ERBB4: variants seen among roughly 807,000 people sequenced by gnomAD.
The protein encoded by ERBB4 is receptor tyrosine-protein kinase erbB-4.
In ERBB4, 42 loss-of-function variants were observed where a neutral mutation model predicts 158.0. That is an observed-to-expected ratio of 0.27 (90% CI 0.21 to 0.34). The LOEUF (loss-of-function observed/expected upper bound fraction) is 0.34. Ranked by LOEUF, ERBB4 falls within the 10% of genes least tolerant of loss-of-function variation. The pLI is 1.00. For synonymous variants in ERBB4, 583 were observed against 558.7 expected (o/e 1.04, Z -0.61); for missense variants, 1,333 against 1,624.1 (o/e 0.82, Z 3.08).
At chr2:212,132,287 A>G (rs538562547) in intron 1 of ERBB4, among the ~76,000 whole-genome samples, 1 of 152,298 alleles carries the variant, frequency 6.6e-6, no homozygotes, top group Admixed American at 6.5e-5. Flanking sequence ...AAGGAGATGC[A>G]TATGGGTGCT....
intron 25 of ERBB4, among the ~76,000 whole-genome samples, chr2:211,414,074 A>C (rs563918835): frequency 6.6e-6 from 1 of 152,066 alleles, no homozygotes; most frequent in South Asian, 2.1e-4. Flanking sequence ...TGGTGTAAAC[A>C]CTTGTGGGGG....
chr2:211,826,125 A>G (rs2105956050), intron 3 of ERBB4, among the ~76,000 whole-genome samples: 1 of 151,674 alleles, frequency 6.6e-6, no homozygotes, highest in East Asian at 1.9e-4. Flanking sequence ...AATCAACACA[A>G]ACACTAAAAG....
intron 3 of ERBB4, among the ~76,000 whole-genome samples, chr2:211,808,999 G>T (rs1187111250): frequency 2.0e-5 from 3 of 152,168 alleles, no homozygotes; most frequent in Admixed American, 1.3e-4. Context: ...CTTTGCTGAA[G>T]TTGCCTAACA....
chr2:211,547,299 A>G (rs975722051), intron 20 of ERBB4, among the ~76,000 whole-genome samples: 4 of 152,102 alleles, frequency 2.6e-5, no homozygotes, highest in Non-Finnish European at 4.4e-5. Flanking sequence ...GTTGTGATCA[A>G]TTGTGGAAGT....
chr2:212,384,720 TCACCATTCATTTC>T (rs2090616981), intron 1 of ERBB4, among the ~76,000 whole-genome samples: 1 of 151,516 alleles, frequency 6.6e-6, no homozygotes, highest in Non-Finnish European at 1.5e-5. Context: ...GCATTCATTT[TCACCATTCATTTC>T]CACCTAAAGT....
chr2:211,718,463 G>C (rs957391477), intron 7 of ERBB4, among the ~76,000 whole-genome samples: 5 of 152,064 alleles, frequency 3.3e-5, no homozygotes, highest in African/African-American at 1.2e-4. Context: ...TGAAACCCTA[G>C]TCTAAAAACA....
chr2:211,731,145 C>T (rs148253979), intron 5 of ERBB4, among the ~76,000 whole-genome samples: 1 of 152,196 alleles, frequency 6.6e-6, no homozygotes, highest in African/African-American at 2.4e-5. Context: ...AATGAAATAC[C>T]AGTAGAAAAC....
In ERBB4 at chr2:212,163,098, G is replaced by GA. The variant is rs544055235; in HGVS notation, c.83-38196dup. Among the ~76,000 whole-genome samples the GA allele has an allele frequency of 4.8e-4, 73 of 151,862 alleles. 1 individual carries two copies. Among genetic ancestry groups the GA allele is most frequent in the African/African-American group, 1.6e-3 (66 of 41,460 alleles). On this transcript the variant is annotated intron_variant, in intron 1 of 27. Coordinates refer to ENST00000342788, the MANE Select transcript of ERBB4 (RefSeq NM_005235.3). ...GAATAAGAGAATCTCTTATCTATGA[G>GA]AAAAAAATCCTAACCAATTTTATGG...
chr2:211,397,906 T>C (rs1029930722), intron 25 of ERBB4, among the ~76,000 whole-genome samples: 1 of 152,180 alleles, frequency 6.6e-6, no homozygotes, highest in African/African-American at 2.4e-5. Context: ...GATGAATTCA[T>C]TCGTAAAATC....
chr2:211,841,006 CTTAGA>C (rs765651182), intron 3 of ERBB4, among the ~76,000 whole-genome samples: 28 of 152,052 alleles, frequency 1.8e-4, no homozygotes, highest in Non-Finnish European at 3.7e-4. Context: ...CCAATATGTG[CTTAGA>C]TTAGTCAATT....
At chr2:212,535,728 T>TATCTAAATAAAA (rs1429549984) in intron 1 of ERBB4, among the ~76,000 whole-genome samples, 2 of 152,170 alleles carry the variant, frequency 1.3e-5, no homozygotes, top group Non-Finnish European at 2.9e-5. Flanking sequence ...AAATGCATAA[T>TATCTAAATAAAA]TGAAAATGAG....
At chr2:211,663,934 A>G (rs1270698137) in intron 15 of ERBB4, among the ~76,000 whole-genome samples, 1 of 152,142 alleles carries the variant, frequency 6.6e-6, no homozygotes, top group African/African-American at 2.4e-5. Flanking sequence ...AAGTATGCCA[A>G]AAACTCACAA....
At chr2:211,444,836 A>G (rs946176432) in intron 20 of ERBB4, among the ~76,000 whole-genome samples, 2 of 152,124 alleles carry the variant, frequency 1.3e-5, no homozygotes, top group African/African-American at 4.8e-5. Flanking sequence ...ATGGACACAG[A>G]TTACGTAAAT....
At chr2:211,824,146 G>C (rs1055238787) in intron 3 of ERBB4, among the ~76,000 whole-genome samples, 1 of 151,842 alleles carries the variant, frequency 6.6e-6, no homozygotes, top group South Asian at 2.1e-4. Context: ...AGCATTTTAC[G>C]AGTACTGCTT....
At chr2:212,460,238 T>C (rs1688503623) in intron 1 of ERBB4, among the ~76,000 whole-genome samples, 1 of 152,142 alleles carries the variant, frequency 6.6e-6, no homozygotes, top group Non-Finnish European at 1.5e-5. Context: ...GGTATGTCTT[T>C]ATTAGCAGCA....
At chr2:211,486,862 AAGTT>A (rs1411702625) in intron 20 of ERBB4, among the ~76,000 whole-genome samples, 4 of 152,064 alleles carry the variant, frequency 2.6e-5, no homozygotes, top group East Asian at 1.9e-4. Context: ...TTTCAGGAAA[AAGTT>A]AGTTTTGTTT....
At chr2:211,825,663 T>G (rs561058550) in intron 3 of ERBB4, among the ~76,000 whole-genome samples, 2 of 151,290 alleles carry the variant, frequency 1.3e-5, no homozygotes, top group Admixed American at 6.6e-5. Flanking sequence ...TATAATCTGG[T>G]GGGTAAGGTA....
chr2:211,482,928 T>A (rs1263003153), intron 20 of ERBB4, among the ~76,000 whole-genome samples: 1 of 151,420 alleles, frequency 6.6e-6, no homozygotes, highest in African/African-American at 2.4e-5. Flanking sequence ...TAAATAAAAA[T>A]TTAAAAAAAT....
intron 2 of ERBB4, among the ~76,000 whole-genome samples, chr2:212,026,562 T>G (rs949877439): frequency 6.6e-6 from 1 of 151,890 alleles, no homozygotes; most frequent in Non-Finnish European, 1.5e-5. Flanking sequence ...AAACACACCA[T>G]TTAAAATGCA....
Sources: gnomAD v4.1 joint callset for allele counts (sites outside exome capture counted in the v4.1 genomes callset) on GRCh38, gnomAD v4.1.1 for gene constraint, MANE v1.5 for transcripts, NCBI Gene and HGNC (gene_info 2026-07-23, HGNC 2026-07-21) for gene names.